FTCD: variants seen among roughly 807,000 people sequenced by gnomAD.
The protein encoded by FTCD is formimidoyltransferase cyclodeaminase.
In FTCD, 76 loss-of-function variants were observed where a neutral mutation model predicts 62.9. That is an observed-to-expected ratio of 1.21 (90% CI 1.00 to 1.46). FTCD has a LOEUF of 1.46. Among genes scored for constraint, FTCD ranks in the 40% most tolerant of loss-of-function variants. The pLI, the probability that FTCD is intolerant of heterozygous loss-of-function variation, is 0.00. For synonymous variants in FTCD, 397 were observed against 336.9 expected (o/e 1.18, Z -1.95); for missense variants, 845 against 751.3 (o/e 1.12, Z -1.46).
chr21:46,138,295 G>A (rs1399905497), intron 12 of FTCD, among the ~76,000 whole-genome samples: 1 of 152,224 alleles, frequency 6.6e-6, no homozygotes, highest in Non-Finnish European at 1.5e-5. Context: ...ACACATTTGG[G>A]TCTCCGTCTG....
intron 5 of FTCD, among the ~76,000 whole-genome samples, chr21:46,151,033 G>A (rs1290632511): frequency 6.6e-6 from 1 of 152,238 alleles, no homozygotes; most frequent in Non-Finnish European, 1.5e-5. Flanking sequence ...CCAGGACCTT[G>A]GCTGTTTGTG....
chr21:46,137,006 A>T lies in FTCD; in HGVS notation c.1607T>A (p.Leu536Ter), dbSNP rs149266909. 310 of 1,613,420 alleles carry T rather than the reference A, an allele frequency of 1.9e-4. No individual in the cohort carries two copies. In the African/African-American group the frequency reaches 3.8e-3, roughly 20 times the overall value. The stretch of plus-strand genomic sequence containing the variant: ...GCACCGTCACTCCTGCCGGGTCTCC[A>T]AGCAGTCCAGCACCAGTGCAGCCTG... Reference protein sequence around the residue: ...KTQAALVLDCLETRQE With the variant: ...KTQAALVLDC Residue 536 changes from leucine (L) to a stop codon, truncating the protein, a stop_gained, in exon 14 of 14, where the codon TTG becomes TAG. Transcript: ENST00000397746. LOFTEE classifies it high-confidence loss of function.
intron 5 of FTCD, among the ~76,000 whole-genome samples, 180 bp from the exon 6 acceptor site, chr21:46,150,705 G>A (rs2079249029): frequency 6.6e-6 from 1 of 152,104 alleles, no homozygotes; most frequent in Non-Finnish European, 1.5e-5. Flanking sequence ...AACTTCGCTT[G>A]CCACAGGGAA....
intron 7 of FTCD, among the ~76,000 whole-genome samples, chr21:46,149,876 C>T (rs1447754356): frequency 6.6e-6 from 1 of 152,154 alleles, no homozygotes; most frequent in African/African-American, 2.4e-5. Context: ...GAGGCAAGAC[C>T]AAGCAGAAAG....
chr21:46,152,137 G>A (rs1407801308), intron 3 of FTCD, 157 bp from the exon 4 acceptor site: 1 of 603,110 alleles, frequency 1.7e-6, no homozygotes, highest in Non-Finnish European at 2.9e-6. Flanking sequence ...TTGGATGGAT[G>A]CGGGTGGTCC....
At chr21:46,141,650 C>G (rs1156571334) in intron 10 of FTCD, among the ~76,000 whole-genome samples, 1 of 151,812 alleles carries the variant, frequency 6.6e-6, no homozygotes, top group South Asian at 2.1e-4. Flanking sequence ...AAGCCCCACA[C>G]GCAAAGTCCA....
chr21:46,152,486 C>T lies in FTCD; in HGVS notation c.367+421G>A, dbSNP rs570028883. 34 of 199,748 alleles carry T rather than the reference C, an allele frequency of 1.7e-4. 1 individual carries two copies. The highest frequency in any genetic ancestry group is 1.2e-3 in the South Asian group (10 of 8,300). 12.4% of individuals were successfully genotyped at this position (199,748 alleles called of 1,614,324 possible). A position where few individuals can be genotyped will look rare whatever the true frequency, so the allele number is the denominator to read the frequency against. On this transcript the variant is annotated intron_variant, in intron 3 of 13. Coordinates refer to ENST00000397746, the MANE Select transcript of FTCD (RefSeq NM_206965.2). ...GGGTTACGTGTGCCCTGCACGCTGG[C>T]GTGACTGTGACCTACGTCCCTGCCT...
Position 46,153,941 on chromosome 21 carries a change from G to A in FTCD, c.238+208C>T, listed in dbSNP as rs111281044. 9.8e-3 allele frequency among the ~76,000 whole-genome samples: 1,490 copies of A among 152,180 alleles called. 29 individuals carry two copies. The highest frequency in any genetic ancestry group is 0.034 in the African/African-American group (1,402 of 41,544). ...GGTGCTGTGGGAGCGTGGCGACCTGGGGGTCCCCCAGAGCACAGCCCTGCA... is the reference window on the plus strand; with the variant it reads ...GGTGCTGTGGGAGCGTGGCGACCTGAGGGTCCCCCAGAGCACAGCCCTGCA... On this transcript the variant is annotated intron_variant, in intron 2 of 13. Coordinates refer to ENST00000397746, the MANE Select transcript of FTCD (RefSeq NM_206965.2).
Position 46,145,931 on chromosome 21 carries a change from G to T in FTCD, c.985C>A (p.Arg329Ser). The T allele has an allele frequency of 6.7e-7, 1 of 1,503,620 alleles. No individual in the cohort carries two copies. The highest frequency in any genetic ancestry group is 8.8e-7 in the Non-Finnish European group (1 of 1,132,474). 93.1% of individuals were successfully genotyped at this position (1,503,620 alleles called of 1,614,324 possible). The change falls in exon 9 of 14, where the codon CGC becomes AGC. Residue 329 changes from arginine to serine, a missense_variant. Coordinates refer to ENST00000397746, the MANE Select transcript of FTCD (RefSeq NM_206965.2). ...CTGCCCAGGCCTCGCTCAGGCCCGC[G>T]CTCAGGGACCAGGTACCTGCAGGGT... ...ERIIEYLVPE[R>S]GPERGLGSKS...
Position 46,136,786 on chromosome 21 carries a change from C to T in FTCD, c.*201G>A. 1 of 1,521,012 alleles carries T rather than the reference C, an allele frequency of 6.6e-7. No homozygotes were observed. The highest frequency in any genetic ancestry group is 8.8e-7 in the Non-Finnish European group (1 of 1,131,644). The allele number at this position is 1,521,012 out of a possible 1,614,324, so 94.2% of individuals were successfully genotyped here. On this transcript the variant is annotated 3_prime_UTR_variant, in exon 14 of 14. Coordinates refer to ENST00000397746, the MANE Select transcript of FTCD (RefSeq NM_206965.2). Reference sequence around the variant, plus strand: ...GCCAACACACAACACAGGTTTGGTGCCAAAACTTTACTGGAGGTCACATGG... The same window carrying T: ...GCCAACACACAACACAGGTTTGGTGTCAAAACTTTACTGGAGGTCACATGG...
At chr21:46,136,387 G>A, downstream of FTCD, 2 of 1,553,580 alleles carry the variant, frequency 1.3e-6, no homozygotes, top group Admixed American at 1.7e-5. Context: ...GGGAACTGAG[G>A]ACAGGGCCAG....
rs1171587365 is a variant in FTCD, at chr21:46,137,033, G to A, written c.1580C>T (p.Thr527Ile). The A allele has an allele frequency of 2.5e-6, 4 of 1,613,564 alleles. No homozygotes were observed. The highest frequency in any genetic ancestry group is 2.2e-5 in the South Asian group (2 of 91,094). ...GCAGTCCAGCACCAGTGCAGCCTGG[G>A]TCTTGGCTTCCTGCAGGAGGCTGGA... is the stretch of plus-strand genomic sequence containing the variant. ...RVSSLLQEAKTQAALVLDCLE... is the reference protein window; with the variant it reads ...RVSSLLQEAKIQAALVLDCLE... The change falls in exon 14 of 14, where the codon ACC becomes ATC. Residue 527 changes from threonine to isoleucine, a missense_variant. By Grantham distance (89) the Thr-to-Ile change is moderately conservative. Coordinates refer to ENST00000397746, the MANE Select transcript of FTCD (RefSeq NM_206965.2).
intron 9 of FTCD, 72 bp downstream of exon 9, chr21:46,145,746 C>CAACA: frequency 2.6e-6 from 1 of 377,842 alleles, no homozygotes. Context: ...GCCCTCCCCC[C>CAACA]AACAGCGCCC....
downstream of FTCD, chr21:46,136,424 C>T (rs147404549): frequency 2.5e-4 from 400 of 1,612,446 alleles, 1 homozygote; most frequent in East Asian, 8.3e-3. Context: ...ACTGTCCAGA[C>T]CTGCCGGGAG....
chr21:46,153,519 G>C (rs1009056729), intron 2 of FTCD, among the ~76,000 whole-genome samples: 2 of 152,192 alleles, frequency 1.3e-5, no homozygotes, highest in Admixed American at 6.5e-5. Context: ...CACTAGCTGA[G>C]TCCCTCGCTG....
At chr21:46,151,802 G>A (rs1366242018) in intron 4 of FTCD, 65 bp from the exon 5 acceptor site, 8 of 1,591,316 alleles carry the variant, frequency 5.0e-6, no homozygotes, top group East Asian at 2.3e-5. Flanking sequence ...CCGGGGTCCC[G>A]GGAAGGAGGG....
rs375532232 is a variant in FTCD, at chr21:46,154,098, G to A, written c.238+51C>T. 1.9e-4 allele frequency: 295 copies of A among 1,575,996 alleles called. 1 individual carries two copies. Among genetic ancestry groups the A allele is most frequent in the South Asian group, 8.2e-4 (74 of 90,326 alleles). Reference sequence around the variant, plus strand: ...CTCCCAGGACACCAGGACAGGGCTCGGCCCTGACATTCTGAGACACGGCAG... The same window carrying A: ...CTCCCAGGACACCAGGACAGGGCTCAGCCCTGACATTCTGAGACACGGCAG... On this transcript the variant is annotated intron_variant, in intron 2 of 13. Transcript: ENST00000397746.
At chr21:46,141,680 G>A (rs981209827) in intron 10 of FTCD, among the ~76,000 whole-genome samples, 1 of 151,314 alleles carries the variant, frequency 6.6e-6, no homozygotes, top group Non-Finnish European at 1.5e-5. Context: ...AACAAACGGG[G>A]AAAGCTGAGC....
At chr21:46,139,050 C>T in intron 10 of FTCD, 127 bp from the exon 11 acceptor site, 1 of 771,748 alleles carries the variant, frequency 1.3e-6, no homozygotes, top group Non-Finnish European at 2.3e-6. Flanking sequence ...GGGAACCAAG[C>T]TTCTGTTGGG....
Sources: gnomAD v4.1 joint callset for allele counts (sites outside exome capture counted in the v4.1 genomes callset) on GRCh38, gnomAD v4.1.1 for gene constraint, MANE v1.5 for transcripts, NCBI Gene and HGNC (gene_info 2026-07-23, HGNC 2026-07-21) for gene names.